The following RAD51B variants were observed in gnomAD, a reference collection of about 807,000 sequenced individuals.
RAD51B encodes the protein RAD51 paralog B, also known as DNA repair protein RAD51 homolog 2.
A neutral mutation model predicts 42.2 loss-of-function variants in RAD51B; 38 were observed. That is an observed-to-expected ratio of 0.90 (90% CI 0.70 to 1.18). RAD51B has a LOEUF of 1.18. Among genes scored for constraint, RAD51B ranks in the 50% most tolerant of loss-of-function variants. RAD51B has a pLI of 0.00. For missense variants in RAD51B, 373 were observed against 400.7 expected, an observed-to-expected ratio of 0.93 and a Z score of 0.59; for synonymous variants, 154 against 145.2, an observed-to-expected ratio of 1.06 and a Z score of -0.43.
At chr14:68,173,150 A>G (rs1299182650) in intron 7 of RAD51B, among the ~76,000 whole-genome samples, 1 of 152,198 alleles carries the variant, frequency 6.6e-6, no homozygotes, top group African/African-American at 2.4e-5. Context: ...TCAGTGGCAA[A>G]TTCAAATAAG....
At chr14:68,349,235 G>C (rs2082734267) in intron 8 of RAD51B, among the ~76,000 whole-genome samples, 1 of 152,146 alleles carries the variant, frequency 6.6e-6, no homozygotes, top group Non-Finnish European at 1.5e-5. Flanking sequence ...AGGCCAAATG[G>C]ACATTGGCTG....
intron 8 of RAD51B, among the ~76,000 whole-genome samples, chr14:68,378,882 T>A (rs1311251398): frequency 1.3e-5 from 2 of 152,218 alleles, no homozygotes. Flanking sequence ...ACTGCAGTCT[T>A]GTCTAATAAA....
chr14:67,881,801 C>G (rs1197567342), intron 5 of RAD51B, among the ~76,000 whole-genome samples: 3 of 152,112 alleles, frequency 2.0e-5, no homozygotes, highest in Non-Finnish European at 1.5e-5. Context: ...CCAGTTAATC[C>G]TTTGTGGGCT....
chr14:68,432,171 CTA>C (rs2085026369), intron 9 of RAD51B, among the ~76,000 whole-genome samples: 1 of 152,160 alleles, frequency 6.6e-6, no homozygotes, highest in African/African-American at 2.4e-5. Context: ...TTACTTCCAA[CTA>C]TGTGGTCAAT....
At chr14:68,466,381 A>G (rs1204344573) in intron 9 of RAD51B, among the ~76,000 whole-genome samples, 1 of 152,220 alleles carries the variant, frequency 6.6e-6, no homozygotes, top group Admixed American at 6.5e-5. Flanking sequence ...TCACCATTTT[A>G]CAGGTGGGGA....
At chr14:68,084,341 T>G (rs2076954868) in intron 7 of RAD51B, among the ~76,000 whole-genome samples, 1 of 152,222 alleles carries the variant, frequency 6.6e-6, no homozygotes, top group African/African-American at 2.4e-5. Context: ...GCCTTGTTTT[T>G]GAAACTATAG....
intron 7 of RAD51B, among the ~76,000 whole-genome samples, chr14:68,146,295 C>T (rs34600033): frequency 5.3e-5 from 8 of 152,142 alleles, no homozygotes; most frequent in African/African-American, 1.9e-4. Flanking sequence ...ACTAAAAATA[C>T]AAAAAATTAG....
At chr14:68,457,773 A>ATTTTTTT (rs771439291) in intron 9 of RAD51B, among the ~76,000 whole-genome samples, 1 of 106,766 alleles carries the variant, frequency 9.4e-6, no homozygotes, top group African/African-American at 3.8e-5. Context: ...TAATTTTTGT[A>ATTTTTTT]TTTTTTTTTT....
At chr14:68,034,074 A>G (rs138869244) in intron 7 of RAD51B, among the ~76,000 whole-genome samples, 259 of 152,012 alleles carry the variant, frequency 1.7e-3, no homozygotes, top group African/African-American at 6.1e-3. Flanking sequence ...ACTATATTTT[A>G]CCAGTTGTTA....
chr14:67,941,372 A>G (rs1037156566), intron 7 of RAD51B, among the ~76,000 whole-genome samples: 1 of 152,140 alleles, frequency 6.6e-6, no homozygotes, highest in Non-Finnish European at 1.5e-5. Context: ...TTGCATGTAG[A>G]CTAATGGGTT....
chr14:68,364,969 A>G (rs2083110604), intron 8 of RAD51B, among the ~76,000 whole-genome samples: 1 of 152,194 alleles, frequency 6.6e-6, no homozygotes, highest in South Asian at 2.1e-4. Context: ...GGGCAGAGAG[A>G]CGCCCATGTC....
At chr14:67,912,508 C>G (rs959653875) in intron 7 of RAD51B, among the ~76,000 whole-genome samples, 1 of 152,010 alleles carries the variant, frequency 6.6e-6, no homozygotes, top group Non-Finnish European at 1.5e-5. Flanking sequence ...CTCATTCATC[C>G]CCTTGAGGAG....
chr14:67,848,897 A>G (rs72725112), intron 4 of RAD51B, among the ~76,000 whole-genome samples: 14,811 of 152,280 alleles, frequency 0.097, 979 homozygotes, highest in Middle Eastern at 0.24. Context: ...TCTTTTCTAC[A>G]CTGAAAATAG....
chr14:67,906,301 T>C (rs2043779685), intron 7 of RAD51B, among the ~76,000 whole-genome samples: 5 of 152,108 alleles, frequency 3.3e-5, no homozygotes, highest in Admixed American at 3.3e-4. Flanking sequence ...TTGCTTGTAT[T>C]TTGTTGAGGA....
intron 7 of RAD51B, among the ~76,000 whole-genome samples, chr14:68,116,346 TAAA>T (rs59572940): frequency 1.4e-3 from 187 of 135,276 alleles, no homozygotes; most frequent in Middle Eastern, 7.4e-3. Flanking sequence ...TTTAAAAGGT[TAAA>T]AAAAAAAAAA....
At chr14:67,905,814 C>A (rs1284425034) in intron 7 of RAD51B, among the ~76,000 whole-genome samples, 1 of 152,056 alleles carries the variant, frequency 6.6e-6, no homozygotes, top group Non-Finnish European at 1.5e-5. Context: ...AACATTTGGG[C>A]AGAGATTATA....
chr14:68,162,657 C>T (rs572400075), intron 7 of RAD51B, among the ~76,000 whole-genome samples: 244 of 152,040 alleles, frequency 1.6e-3, no homozygotes, highest in African/African-American at 5.7e-3. Context: ...TGGTGGCGGG[C>T]GCCTGTAGTC....
chr14:68,216,051 AAT>A (rs778130709), intron 7 of RAD51B, among the ~76,000 whole-genome samples: 5 of 152,186 alleles, frequency 3.3e-5, no homozygotes, highest in Non-Finnish European at 5.9e-5. Flanking sequence ...TTATAAGGGC[AAT>A]ATGTTTCTGA....
chr14:68,047,435 T>G (rs1209669615), intron 7 of RAD51B, among the ~76,000 whole-genome samples: 3 of 152,114 alleles, frequency 2.0e-5, no homozygotes, highest in African/African-American at 4.8e-5. Context: ...AATGTGCACC[T>G]TTTGTGGGAA....
Sources: gnomAD v4.1 joint callset for allele counts (sites outside exome capture counted in the v4.1 genomes callset) on GRCh38, gnomAD v4.1.1 for gene constraint, MANE v1.5 for transcripts, NCBI Gene and HGNC (gene_info 2026-07-23, HGNC 2026-07-21) for gene names.